Variants in NUDCD2 observed in about 807,000 individuals in gnomAD.
The protein encoded by NUDCD2 is NudC domain containing 2.
A neutral mutation model predicts 20.8 loss-of-function variants in NUDCD2; 16 were observed. That is an observed-to-expected ratio of 0.77 (90% confidence interval 0.52 to 1.17). The LOEUF (loss-of-function observed/expected upper bound fraction) is 1.17, where lower values mean the gene tolerates loss of function less well. Among genes scored for constraint, NUDCD2 ranks in the 50% most tolerant of loss-of-function variants. The probability of loss-of-function intolerance (pLI) is 0.00; values close to 1 mark genes in which losing one functional copy is unlikely to be tolerated. For missense variants in NUDCD2, 199 were observed against 193.9 expected, an observed-to-expected ratio of 1.03 and a Z score of -0.16; for synonymous variants, 87 against 72.8, an observed-to-expected ratio of 1.20 and a Z score of -1.00.
At chr5:163,457,834 A>T (rs1461366136) in intron 1 of NUDCD2, among the ~76,000 whole-genome samples, 4 of 152,164 alleles carry the variant, frequency 2.6e-5, no homozygotes, top group Non-Finnish European at 5.9e-5. Context: ...AGCTCTCTAA[A>T]GAAAGATCAG....
chr5:163,451,271 ATGT>A lies in NUDCD2; in HGVS notation c.*2693_*2695del, dbSNP rs1159938834. 2 of 152,228 alleles carry A rather than the reference ATGT, an allele frequency of 1.3e-5. No individual in the cohort carries two copies. The highest frequency in any genetic ancestry group is 2.9e-5 in the Non-Finnish European group (2 of 68,024). 9.4% of individuals were successfully genotyped at this position (152,228 alleles called of 1,614,324 possible). A position where few individuals can be genotyped will look rare whatever the true frequency, so the allele number is the denominator to read the frequency against. On this transcript the variant is annotated 3_prime_UTR_variant, in exon 4 of 4. Coordinates refer to ENST00000302764, the MANE Select transcript of NUDCD2 (RefSeq NM_145266.6). ...TACACACCTTAAATGGGTGAAATGT[ATGT>A]TGTTACAATAAAGCGTTTTTCTTAA...
rs1193637556 is a variant in NUDCD2, at chr5:163,452,455, C to A, written c.*1512G>T. ...AGAGGCCACCCAGAATGGACTTCTA[C>A]CAGCCAAATGTACAATAATTTTGAG... On this transcript the variant is annotated 3_prime_UTR_variant, in exon 4 of 4. Transcript: ENST00000302764. 1 of 152,040 alleles carries A rather than the reference C, an allele frequency of 6.6e-6. No homozygotes were observed. Among genetic ancestry groups the A allele is most frequent in the African/African-American group, 2.4e-5 (1 of 41,382 alleles). The allele number at this position is 152,040 out of a possible 1,614,324, so 9.4% of individuals were successfully genotyped here. A position where few individuals can be genotyped will look rare whatever the true frequency, so the allele number is the denominator to read the frequency against.
In NUDCD2 at chr5:163,457,091, A is replaced by AC. The variant is rs749002124; in HGVS notation, c.239-12_239-11insG. 1,224 of 1,491,320 alleles carry AC rather than the reference A, an allele frequency of 8.2e-4. 6 individuals are homozygous for AC. The African/African-American group carries it at 0.014, about 16-fold the overall frequency. The allele number at this position is 1,491,320 out of a possible 1,614,324, so 92.4% of individuals were successfully genotyped here. On this transcript the variant is annotated splice_polypyrimidine_tract_variant and intron_variant, in intron 2 of 3. Coordinates refer to ENST00000302764, the MANE Select transcript of NUDCD2 (RefSeq NM_145266.6). ...CCATTTTTCTGTCCTCTAAAAAAAA[A>AC]ACACACACACACACACGCACAAATA...
At chr5:163,456,746 A>C (rs1020733797) in intron 3 of NUDCD2, among the ~76,000 whole-genome samples, 183 bp downstream of exon 3, 1 of 152,246 alleles carries the variant, frequency 6.6e-6, no homozygotes, top group Admixed American at 6.5e-5. Context: ...ATTCCTCTCA[A>C]GAAAATCTTC....
intron 1 of NUDCD2, 120 bp downstream of exon 1, chr5:163,459,742 A>G (rs1424066943): frequency 3.6e-6 from 3 of 843,160 alleles, no homozygotes; most frequent in Non-Finnish European, 5.4e-6. Context: ...GGTCAGTGTT[A>G]TCCTCTTTCT....
In NUDCD2 at chr5:163,448,199, A is replaced by G. The variant is rs1221961839; in HGVS notation, c.*5768T>C. 1 of 123,484 alleles carries G rather than the reference A, an allele frequency of 8.1e-6. No homozygotes were observed. Among genetic ancestry groups the G allele is most frequent in the Admixed American group, 7.7e-5 (1 of 12,908 alleles). 7.6% of individuals were successfully genotyped at this position (123,484 alleles called of 1,614,324 possible). A position where few individuals can be genotyped will look rare whatever the true frequency, so the allele number is the denominator to read the frequency against. On this transcript the variant is annotated 3_prime_UTR_variant, in exon 4 of 4. Coordinates refer to ENST00000302764, the MANE Select transcript of NUDCD2 (RefSeq NM_145266.6). ...ACTAAACCTAAAGCAAGCAGAAAGAAGAAAAAAAAAAAAGAGGCAGAAAAT... is the reference window on the plus strand; with the variant it reads ...ACTAAACCTAAAGCAAGCAGAAAGAGGAAAAAAAAAAAAGAGGCAGAAAAT...
chr5:163,454,351 T>G (rs985416099), intron 3 of NUDCD2, among the ~76,000 whole-genome samples: 1 of 151,996 alleles, frequency 6.6e-6, no homozygotes, highest in South Asian at 2.1e-4. Context: ...TTTATTATTA[T>G]TTTTTTTGAG....
Position 163,459,886 on chromosome 5 carries a change from C to G in NUDCD2, c.165G>C (p.Ser55=), listed in dbSNP as rs377306507. The G allele has an allele frequency of 5.6e-6, 9 of 1,607,724 alleles. No homozygotes were observed. Among genetic ancestry groups the G allele is most frequent in the East Asian group, 4.5e-5 (2 of 44,674 alleles). Residue 55 remains serine (S), a synonymous_variant, in exon 1 of 4, where the codon TCG becomes TCC. Transcript: ENST00000302764. ...CCTTGAGGATCTCGCGGCCGCCCAC[C>G]GACAGCGCCACATGCCGGCTCTGGA... ...CGLQSRHVAL[S]VGGREILKGK...
At position 163,451,171 on chromosome 5, in the gene NUDCD2, A is replaced by G. The variant is rs1189804938; in HGVS notation, c.*2796T>C. ...CTAAACTATACAAGGTTTCTATCTG[A>G]GGTGATGAAAACATTCTAAAATTGA... On this transcript the variant is annotated 3_prime_UTR_variant, in exon 4 of 4. Coordinates refer to ENST00000302764, the MANE Select transcript of NUDCD2 (RefSeq NM_145266.6). 1.3e-5 allele frequency: 2 copies of G among 152,216 alleles called. No homozygotes were observed. The highest frequency in any genetic ancestry group is 4.8e-5 in the African/African-American group (2 of 41,456). 9.4% of individuals were successfully genotyped at this position (152,216 alleles called of 1,614,324 possible).
In NUDCD2 at chr5:163,459,879, C is replaced by T. The variant is rs760129602; in HGVS notation, c.172G>A (p.Gly58Ser). Residue 58 changes from glycine (G) to serine (S), a missense_variant, in exon 1 of 4, where the codon GGC becomes AGC. Gly to Ser is a moderately conservative substitution (Grantham distance 56, BLOSUM62 0). Transcript: ENST00000302764. ...QSRHVALSVG[G>S]REILKGKLFD... ...GCCGCTACCTTGAGGATCTCGCGGC[C>T]GCCCACCGACAGCGCCACATGCCGG... is the stretch of plus-strand genomic sequence containing the variant. 1 of 1,606,016 alleles carries T rather than the reference C, an allele frequency of 6.2e-7. No individual in the cohort carries two copies. The highest frequency in any genetic ancestry group is 1.1e-5 in the South Asian group (1 of 90,476).
intron 1 of NUDCD2, chr5:163,459,613 G>C (rs924151358): frequency 5.1e-5 from 17 of 333,352 alleles, no homozygotes; most frequent in Non-Finnish European, 9.3e-5. Context: ...GCTGAAGCCC[G>C]TCAGAGAAGC....
rs1340508336 is a variant in NUDCD2 at position 163,446,876 on chromosome 5, G to A, written c.*7091C>T. 6.6e-6 allele frequency: 1 copy of A among 152,188 alleles called. No individual in the cohort carries two copies. Among genetic ancestry groups the A allele is most frequent in the East Asian group, 1.9e-4 (1 of 5,174 alleles). The allele number at this position is 152,188 out of a possible 1,614,324, so 9.4% of individuals were successfully genotyped here. On this transcript the variant is annotated 3_prime_UTR_variant, in exon 4 of 4. Coordinates refer to ENST00000302764, the MANE Select transcript of NUDCD2 (RefSeq NM_145266.6). The stretch of plus-strand genomic sequence containing the variant: ...CTAAAAATACAAAAATCAGCTGGGT[G>A]TGGTGGCGCATGCCTGTAGTACCAG...
At chr5:163,458,589 T>C (rs1038429758) in intron 1 of NUDCD2, among the ~76,000 whole-genome samples, 12 of 151,822 alleles carry the variant, frequency 7.9e-5, no homozygotes, top group Non-Finnish European at 1.6e-4. Context: ...CCTGTCTCAA[T>C]AAATATATAT....
At chr5:163,457,102 A>ACACACG (rs1758336648) in intron 2 of NUDCD2, 22 bp from the exon 3 acceptor site, 3 of 1,555,912 alleles carry the variant, frequency 1.9e-6, no homozygotes, top group Non-Finnish European at 2.6e-6. Context: ...ACACACACAC[A>ACACACG]CACACGCACA....
chr5:163,454,166 A>G (rs1758244331), intron 3 of NUDCD2, 116 bp from the exon 4 acceptor site: 1 of 479,314 alleles, frequency 2.1e-6, no homozygotes, highest in Non-Finnish European at 3.7e-6. Flanking sequence ...TGAAAATATA[A>G]CAGACTTCAC....
At position 163,459,998 on chromosome 5, in the gene NUDCD2, C is replaced by G; in HGVS notation, c.53G>C (p.Trp18Ser). Residue 18 changes from tryptophan (W) to serine (S), a missense_variant, in exon 1 of 4, where the codon TGG becomes TCG. Transcript: ENST00000302764. Reference sequence around the variant, plus strand: ...CTCCAAGGTCTGGTACCACTGGCCCCACGGGGTCCCGCACGGTACCACCCC... The same window carrying G: ...CTCCAAGGTCTGGTACCACTGGCCCGACGGGGTCCCGCACGGTACCACCCC... Reference protein sequence around the residue: ...RSGVVPCGTPWGQWYQTLEEV... With the variant: ...RSGVVPCGTPSGQWYQTLEEV... The G allele has an allele frequency of 6.2e-7, 1 of 1,613,140 alleles. No individual in the cohort carries two copies. Among genetic ancestry groups the G allele is most frequent in the Non-Finnish European group, 8.5e-7 (1 of 1,179,610 alleles).
At position 163,447,650 on chromosome 5, in the gene NUDCD2, G is replaced by C. The variant is rs1434958049; in HGVS notation, c.*6317C>G. On this transcript the variant is annotated 3_prime_UTR_variant, in exon 4 of 4. Coordinates refer to ENST00000302764, the MANE Select transcript of NUDCD2 (RefSeq NM_145266.6). The stretch of plus-strand genomic sequence containing the variant: ...TAAAACCCTTCTACCTAAAACAGCA[G>C]AATAAGCATTCTTTTCAAGTACACA... The C allele has an allele frequency of 6.6e-6, 1 of 152,054 alleles. No homozygotes were observed. The highest frequency in any genetic ancestry group is 1.5e-5 in the Non-Finnish European group (1 of 68,002). The allele number at this position is 152,054 out of a possible 1,614,324, so 9.4% of individuals were successfully genotyped here.
At chr5:163,458,916 G>C (rs1403695601) in intron 1 of NUDCD2, 1 of 152,156 alleles carries the variant, frequency 6.6e-6, no homozygotes, top group African/African-American at 2.4e-5. Flanking sequence ...CACGAATCTT[G>C]AGGCACTCAA....
chr5:163,459,747 CTT>C, intron 1 of NUDCD2, 113 bp downstream of exon 1: 2 of 901,004 alleles, frequency 2.2e-6, no homozygotes, highest in Non-Finnish European at 3.3e-6. Context: ...GTGTTATCCT[CTT>C]TCTCTTTCTG....
Sources: allele counts gnomAD v4.1 joint callset (sites outside exome capture counted in the v4.1 genomes callset), GRCh38; gene constraint gnomAD v4.1.1; transcripts MANE v1.5; gene names NCBI Gene and HGNC (gene_info 2026-07-23, HGNC 2026-07-21).